PGR: variants seen among roughly 807,000 people sequenced by gnomAD.
PGR encodes the protein nuclear receptor subfamily 3 group C member 3.
In PGR, 25 loss-of-function variants were observed where a neutral mutation model predicts 76.1. The observed-to-expected ratio is 0.33, with a 90% CI of 0.24 to 0.46. The LOEUF (loss-of-function observed/expected upper bound fraction) is 0.46, where lower values mean the gene tolerates loss of function less well. Among genes scored for constraint, PGR ranks in the 20% least tolerant of loss-of-function variants. The pLI is 1.00. For missense variants in PGR, 1,172 were observed against 1,225.3 expected (o/e 0.96, Z 0.65); for synonymous variants, 579 against 535.0 (o/e 1.08, Z -1.14).
At chr11:101,086,103 C>G (rs914565310) in intron 3 of PGR, among the ~76,000 whole-genome samples, 1 of 152,116 alleles carries the variant, frequency 6.6e-6, no homozygotes, top group Non-Finnish European at 1.5e-5. Context: ...TTTTCTGAAG[C>G]CAGTATCACC....
intron 2 of PGR, among the ~76,000 whole-genome samples, chr11:101,104,552 C>T (rs761502082): frequency 6.6e-6 from 1 of 152,074 alleles, no homozygotes; most frequent in Non-Finnish European, 1.5e-5. Flanking sequence ...CTCTTCATTC[C>T]GAAGTAACTC....
chr11:101,030,388 C>A lies in PGR; in HGVS notation c.*8728G>T, dbSNP rs1859311844. On this transcript the variant is annotated 3_prime_UTR_variant, in exon 8 of 8. Transcript: ENST00000325455. ...AGTATGTGATGATATCGTTAAAATA[C>A]ATGATCACTTAATTTTTACAGTTTT... The A allele has an allele frequency of 4.4e-6, 1 of 228,692 alleles. No homozygotes were observed. The highest frequency in any genetic ancestry group is 5.7e-5 in the Admixed American group (1 of 17,658). The allele number at this position is 228,692 out of a possible 1,614,324, so 14.2% of individuals were successfully genotyped here. A position where few individuals can be genotyped will look rare whatever the true frequency, so the allele number is the denominator to read the frequency against.
chr11:101,085,963 C>T (rs1357881966), intron 3 of PGR, among the ~76,000 whole-genome samples: 1 of 152,074 alleles, frequency 6.6e-6, no homozygotes, highest in Non-Finnish European at 1.5e-5. Flanking sequence ...AAAAAACTTA[C>T]CAACCAAAAA....
At chr11:101,083,647 G>A (rs527969018) in intron 3 of PGR, among the ~76,000 whole-genome samples, 2 of 152,324 alleles carry the variant, frequency 1.3e-5, no homozygotes, top group South Asian at 4.1e-4. Flanking sequence ...TTATTTTGGA[G>A]CTTTAATATT....
At chr11:101,090,444 TG>T (rs1861643955) in intron 3 of PGR, among the ~76,000 whole-genome samples, 1 of 152,242 alleles carries the variant, frequency 6.6e-6, no homozygotes, top group Non-Finnish European at 1.5e-5. Context: ...GAGAAAACAA[TG>T]GCTGCGCCAG....
At position 101,070,955 on chromosome 11, in the gene PGR, G is replaced by A. The variant is rs534774736; in HGVS notation, c.1907-8203C>T. 7.9e-5 allele frequency among the ~76,000 whole-genome samples: 12 copies of A among 152,288 alleles called. No homozygotes were observed. In the South Asian group the frequency reaches 8.3e-4, roughly 11 times the overall value. ...TGAAGAGACCAGCGGATCTCCCAGC[G>A]CAGTGCTCAAGCTCTGCTAAAGGAC... On this transcript the variant is annotated intron_variant, in intron 3 of 7. Transcript: ENST00000325455.
chr11:101,038,486 T>C lies in PGR; in HGVS notation c.*630A>G. 1 of 227,798 alleles carries C rather than the reference T, an allele frequency of 4.4e-6. No homozygotes were observed. Among genetic ancestry groups the C allele is most frequent in the Non-Finnish European group, 8.7e-6 (1 of 114,678 alleles). 14.1% of individuals were successfully genotyped at this position (227,798 alleles called of 1,614,324 possible). ...GATATGAATCTACTTATTAACTTCC[T>C]AAGAGATTTGTGTTTCCAATCTGGA... On this transcript the variant is annotated 3_prime_UTR_variant, in exon 8 of 8. Coordinates refer to ENST00000325455, the MANE Select transcript of PGR (RefSeq NM_000926.4).
In PGR at chr11:101,128,332, C is replaced by T; in HGVS notation, c.739G>A (p.Ala247Thr). 6.3e-7 allele frequency: 1 copy of T among 1,597,930 alleles called. No homozygotes were observed. The highest frequency in any genetic ancestry group is 1.1e-5 in the South Asian group (1 of 90,582). ...GCCGCGGCTCCTCCTCCAGCCGCCG[C>T]GCCACCCAGAGCCCGAGGTTTGCCC... The part of the protein sequence containing the change: ...LKGKPRALGG[A>T]AAGGGAAAVP... Residue 247 changes from alanine to threonine, a missense_variant, in exon 1 of 8, where the codon GCG (alanine) becomes ACG (threonine). Ala to Thr is a moderately conservative substitution (Grantham distance 58). Around this residue, in one of 4 missense-constraint regions of PGR, gnomAD observed 893 missense variants for 785.9 expected, o/e 1.14. Transcript: ENST00000325455.
intron 2 of PGR, among the ~76,000 whole-genome samples, chr11:101,094,003 T>C (rs1299861307): frequency 6.6e-6 from 1 of 152,192 alleles, no homozygotes; most frequent in Non-Finnish European, 1.5e-5. Flanking sequence ...CTTTTGTCCT[T>C]CAAACAATTC....
intron 4 of PGR, among the ~76,000 whole-genome samples, chr11:101,061,147 A>G (rs1860480235): frequency 6.6e-6 from 1 of 152,244 alleles, no homozygotes; most frequent in South Asian, 2.1e-4. Flanking sequence ...ATTTTTAAAC[A>G]GAAAAAGTTC....
intron 3 of PGR, among the ~76,000 whole-genome samples, chr11:101,070,203 A>G (rs1860879045): frequency 6.6e-6 from 1 of 152,072 alleles, no homozygotes; most frequent in Admixed American, 6.5e-5. Context: ...GCATTGCCTT[A>G]CCCGGGAAGT....
chr11:101,076,131 T>C lies in PGR; in HGVS notation c.1907-13379A>G, dbSNP rs539830842. Among the ~76,000 whole-genome samples, 9 of 152,250 alleles carry C rather than the reference T, an allele frequency of 5.9e-5. No individual in the cohort carries two copies. In the East Asian group the frequency reaches 7.7e-4, roughly 13 times the overall value. The stretch of plus-strand genomic sequence containing the variant: ...GGCACATATACACCATGCAATAACA[T>C]TGAGCTATCAAAAGGGATGAGTTCA... On this transcript the variant is annotated intron_variant, in intron 3 of 7. Transcript: ENST00000325455.
chr11:101,062,660 G>T lies in PGR; in HGVS notation c.1999C>A (p.Gln667Lys). 1 of 1,613,956 alleles carries T rather than the reference G, an allele frequency of 6.2e-7. No individual in the cohort carries two copies. Residue 667 changes from glutamine (Q) to lysine (K), a missense_variant, in exon 4 of 8, where the codon CAA becomes AAA. Physicochemically the swap from Gln to Lys is moderately conservative, Grantham distance 53. This residue lies in a region of PGR where 73 missense variants were observed against 60.7 expected (regional missense o/e 1.20). Coordinates refer to ENST00000325455, the MANE Select transcript of PGR (RefSeq NM_000926.4). ...PQPVGVPNES[Q>K]ALSQRFTFSP... ...AAAGTGAATCTCTGGCTTAGGGCTTGGCTTTCATTTGGAACGCCCACTGGC... is the reference window on the plus strand; with the variant it reads ...AAAGTGAATCTCTGGCTTAGGGCTTTGCTTTCATTTGGAACGCCCACTGGC...
rs1006731632 is a variant in PGR, at chr11:101,038,461, G to T, written c.*655C>A. 13 of 225,588 alleles carry T rather than the reference G, an allele frequency of 5.8e-5. No individual in the cohort carries two copies. Among genetic ancestry groups the T allele is most frequent in the African/African-American group, 2.9e-4 (13 of 44,916 alleles). The allele number at this position is 225,588 out of a possible 1,614,324, so 14.0% of individuals were successfully genotyped here. A position where few individuals can be genotyped will look rare whatever the true frequency, so the allele number is the denominator to read the frequency against. On this transcript the variant is annotated 3_prime_UTR_variant, in exon 8 of 8. Transcript: ENST00000325455. ...AAACCCACAATACTATTTGCATAATGATATGAATCTACTTATTAACTTCCT... is the reference window on the plus strand; with the variant it reads ...AAACCCACAATACTATTTGCATAATTATATGAATCTACTTATTAACTTCCT...
intron 3 of PGR, among the ~76,000 whole-genome samples, chr11:101,070,067 C>T (rs1003922506): frequency 3.3e-5 from 5 of 151,982 alleles, no homozygotes; most frequent in East Asian, 1.9e-4. Context: ...CGGTCTGTAG[C>T]TCCCAACGCG....
At chr11:101,110,687 A>G (rs1254449402) in intron 2 of PGR, among the ~76,000 whole-genome samples, 3 of 152,210 alleles carry the variant, frequency 2.0e-5, no homozygotes, top group Non-Finnish European at 4.4e-5. Flanking sequence ...GCAGGTTTTG[A>G]GAAAAGTGAC....
chr11:101,049,263 G>A (rs1860004413), intron 6 of PGR, among the ~76,000 whole-genome samples: 1 of 152,088 alleles, frequency 6.6e-6, no homozygotes, highest in Admixed American at 6.6e-5. Flanking sequence ...ATCTCCCAGG[G>A]TGACGTATGC....
chr11:101,094,181 A>G (rs1189787065), intron 2 of PGR, among the ~76,000 whole-genome samples: 3 of 152,196 alleles, frequency 2.0e-5, no homozygotes, highest in African/African-American at 4.8e-5. Flanking sequence ...CCCTGAATAC[A>G]TTCCCCTTTT....
At chr11:101,062,886 T>C in intron 3 of PGR, 134 bp from the exon 4 acceptor site, 3 of 583,418 alleles carry the variant, frequency 5.1e-6, no homozygotes, top group Non-Finnish European at 8.6e-6. Context: ...AGAATAAAAG[T>C]GTTAGATATT....
Sources: gnomAD v4.1 joint callset for allele counts (sites outside exome capture counted in the v4.1 genomes callset) on GRCh38, gnomAD v4.1.1 for gene constraint, gnomAD v4.1.1 regional missense constraint, MANE v1.5 for transcripts, NCBI Gene and HGNC (gene_info 2026-07-23, HGNC 2026-07-21) for gene names.